AFAP1: variants seen among roughly 807,000 people sequenced by gnomAD.
AFAP1 encodes actin filament associated protein 1, also known as actin filament-associated protein 1.
A neutral mutation model predicts 93.9 loss-of-function variants in AFAP1; 75 were observed. The observed-to-expected ratio is 0.80, with a 90% CI of 0.66 to 0.97. The LOEUF (loss-of-function observed/expected upper bound fraction) is 0.97, where lower values mean the gene tolerates loss of function less well. Ranked by LOEUF, AFAP1 falls within the 50% of genes least tolerant of loss-of-function variation. The pLI is 0.00. For synonymous variants in AFAP1, 517 were observed against 430.7 expected (o/e 1.20, Z -2.48); for missense variants, 1,201 against 1,050.8 (o/e 1.14, Z -1.98).
At chr4:7,827,884 C>A (rs1317834393) in intron 6 of AFAP1, among the ~76,000 whole-genome samples, 1 of 152,088 alleles carries the variant, frequency 6.6e-6, no homozygotes, top group Admixed American at 6.5e-5. Context: ...TCCAGACAGT[C>A]AAGGCTCCGA....
At chr4:7,899,397 T>C (rs898714016) in intron 1 of AFAP1, among the ~76,000 whole-genome samples, 11 of 152,190 alleles carry the variant, frequency 7.2e-5, no homozygotes, top group African/African-American at 2.4e-4. Flanking sequence ...TAAGAACCGT[T>C]TGTCAGTCAG....
intron 8 of AFAP1, among the ~76,000 whole-genome samples, chr4:7,811,810 G>A (rs77206124): frequency 3.3e-5 from 5 of 152,168 alleles, no homozygotes; most frequent in South Asian, 4.1e-4. Context: ...TTTCAGCCAC[G>A]CAGTCTGTGG....
intron 1 of AFAP1, among the ~76,000 whole-genome samples, chr4:7,908,493 G>A (rs1577351311): frequency 6.6e-6 from 1 of 152,176 alleles, no homozygotes; most frequent in East Asian, 1.9e-4. Context: ...TAACAAAATT[G>A]ATTTAATTGA....
chr4:7,881,549 A>G (rs35502845), intron 1 of AFAP1, among the ~76,000 whole-genome samples: 17,554 of 152,172 alleles, frequency 0.12, 1,159 homozygotes, highest in Non-Finnish European at 0.16. Context: ...TTGGGAGGCC[A>G]AGGTGGGCAG....
intron 16 of AFAP1, among the ~76,000 whole-genome samples, chr4:7,771,945 A>C (rs1379386815): frequency 6.6e-6 from 1 of 152,172 alleles, no homozygotes; most frequent in Non-Finnish European, 1.5e-5. Context: ...GGGGCCAGCA[A>C]GTGACTGAAA....
intron 1 of AFAP1, among the ~76,000 whole-genome samples, chr4:7,909,421 G>A (rs182369291): frequency 6.6e-6 from 1 of 152,142 alleles, no homozygotes; most frequent in Admixed American, 6.5e-5. Flanking sequence ...TACCTAAAGA[G>A]TACTTCATAC....
At chr4:7,846,728 G>A (rs540850126) in intron 4 of AFAP1, among the ~76,000 whole-genome samples, 1 of 152,306 alleles carries the variant, frequency 6.6e-6, no homozygotes, top group African/African-American at 2.4e-5. Flanking sequence ...ATAAAGCCAT[G>A]AAAAGCCGGG....
chr4:7,783,837 C>T (rs1028570042), intron 12 of AFAP1, among the ~76,000 whole-genome samples: 8 of 152,168 alleles, frequency 5.3e-5, no homozygotes, highest in African/African-American at 9.7e-5. Context: ...TGTGGAGAAA[C>T]GCCTTTGAGG....
At position 7,809,728 on chromosome 4, in the gene AFAP1, C is replaced by T; in HGVS notation, c.940G>A (p.Gly314Ser). The change falls in exon 9 of 18, where the codon GGC becomes AGC. Residue 314 changes from glycine (G) to serine (S), a missense_variant. Transcript: ENST00000420658. ...TTCCCAGTGACTTTCGACACAGTGC[C>T]CTTGGCCTCTGATTTGGAACTTTTC... is the stretch of plus-strand genomic sequence containing the variant. The part of the protein sequence containing the change: ...RKKSSKSEAK[G>S]TVSKVTGKKI... The T allele has an allele frequency of 6.2e-7, 1 of 1,613,890 alleles. No individual in the cohort carries two copies. The highest frequency in any genetic ancestry group is 8.5e-7 in the Non-Finnish European group (1 of 1,179,922).
chr4:7,896,508 G>C (rs373290739), intron 1 of AFAP1, among the ~76,000 whole-genome samples: 1 of 151,740 alleles, frequency 6.6e-6, no homozygotes, highest in Non-Finnish European at 1.5e-5. Context: ...CTGTTGCCAA[G>C]TCCAGCTATC....
At chr4:7,905,132 G>T (rs141659583) in intron 1 of AFAP1, among the ~76,000 whole-genome samples, 61 of 152,252 alleles carry the variant, frequency 4.0e-4, no homozygotes, top group African/African-American at 1.5e-3. Context: ...CACCCACCAA[G>T]CTCCTAGAAG....
chr4:7,802,743 G>A (rs10000569), intron 9 of AFAP1, among the ~76,000 whole-genome samples: 7,106 of 150,266 alleles, frequency 0.047, 225 homozygotes, highest in Admixed American at 0.089. Context: ...TCTGCCTCCC[G>A]GGTTCACGCC....
intron 6 of AFAP1, among the ~76,000 whole-genome samples, chr4:7,829,641 G>C (rs1488887968): frequency 6.6e-6 from 1 of 152,160 alleles, no homozygotes; most frequent in East Asian, 1.9e-4. Flanking sequence ...ACAATAAGAG[G>C]AGTGCAGATT....
chr4:7,769,873 G>A (rs1715178829), intron 16 of AFAP1, among the ~76,000 whole-genome samples: 1 of 152,260 alleles, frequency 6.6e-6, no homozygotes, highest in African/African-American at 2.4e-5. Context: ...CTTGACCTAT[G>A]CAGTGGCAGC....
At chr4:7,933,274 C>A (rs760766285) in intron 1 of AFAP1, among the ~76,000 whole-genome samples, 1 of 151,874 alleles carries the variant, frequency 6.6e-6, no homozygotes, top group East Asian at 2.0e-4. Context: ...ATCCCATGAG[C>A]CTTTAAGAGC....
At chr4:7,928,268 A>G (rs16841440) in intron 1 of AFAP1, among the ~76,000 whole-genome samples, 4,620 of 152,266 alleles carry the variant, frequency 0.03, 240 homozygotes, top group African/African-American at 0.1. Flanking sequence ...CACTTACTCA[A>G]CAACAACAAA....
intron 9 of AFAP1, among the ~76,000 whole-genome samples, chr4:7,809,063 G>T (rs201302640): frequency 4.7e-5 from 7 of 148,886 alleles, no homozygotes; most frequent in Non-Finnish European, 9.0e-5. Context: ...TTTTGTTTTT[G>T]TTTTTTTTTT....
chr4:7,900,747 A>C (rs952521893), intron 1 of AFAP1, among the ~76,000 whole-genome samples: 3 of 152,254 alleles, frequency 2.0e-5, no homozygotes, highest in African/African-American at 7.2e-5. Flanking sequence ...TAAACACTGC[A>C]ACATTTTGAC....
chr4:7,827,633 C>A (rs546520051), intron 6 of AFAP1, among the ~76,000 whole-genome samples: 1 of 142,678 alleles, frequency 7.0e-6, no homozygotes, highest in African/African-American at 2.6e-5. Flanking sequence ...CGGCCAAAAG[C>A]TTCCCCAAGT....
Sources: gnomAD v4.1 joint callset for allele counts (sites outside exome capture counted in the v4.1 genomes callset) on GRCh38, gnomAD v4.1.1 for gene constraint, MANE v1.5 for transcripts, NCBI Gene and HGNC (gene_info 2026-07-23, HGNC 2026-07-21) for gene names.